The following SLC25A48 variants were observed in gnomAD, a reference collection of about 807,000 sequenced individuals.
SLC25A48 encodes the protein CTC-321K16.1.
Under a neutral mutation model 32.2 loss-of-function variants are expected in SLC25A48, and 29 were observed. That is an observed-to-expected ratio of 0.90 (90% CI 0.67 to 1.23). SLC25A48 has a LOEUF of 1.23. SLC25A48 is among the 50% of genes most tolerant of loss of function. The pLI, the probability that SLC25A48 is intolerant of heterozygous loss-of-function variation, is 0.00. For missense variants in SLC25A48, 399 were observed against 422.7 expected (o/e 0.94, Z 0.49); for synonymous variants, 164 against 172.3 (o/e 0.95, Z 0.38).
At position 135,759,514 on chromosome 5, in the gene SLC25A48, CCTT is replaced by C. The variant is rs142565776; in HGVS notation, c.-520-53004_-520-53002del. ...TACAATGTTCACGCAGTGAAATTCT[CCTT>C]CTTCAGCACATAGTTACTGAGTCCT... On this transcript the variant is annotated intron_variant, in intron 3 of 10. Transcript: ENST00000646290. Among the ~76,000 whole-genome samples, 77 of 152,274 alleles carry C rather than the reference CCTT, an allele frequency of 5.1e-4. 2 individuals carry two copies. In the East Asian group the frequency reaches 0.014, roughly 29 times the overall value.
rs766023744 is a variant in SLC25A48, at chr5:135,874,055, T to C, written c.714T>C (p.Asp238=). ...CTTGGGGGACAGCGACTCCTATGGA[T>C]GTCGTGAAAAGTCGACTCCAAGCTG... ...AISWGTATPM[D]VVKSRLQADG... The change falls in exon 6 of 8, where the codon GAT becomes GAC. Residue 238 remains aspartate (D), a synonymous_variant. Transcript: ENST00000681962. 1 of 1,532,476 alleles carries C rather than the reference T, an allele frequency of 6.5e-7. No individual in the cohort carries two copies. Among genetic ancestry groups the C allele is most frequent in the Non-Finnish European group, 8.7e-7 (1 of 1,145,676 alleles). 94.9% of individuals were successfully genotyped at this position (1,532,476 alleles called of 1,614,324 possible). A position where few individuals can be genotyped will look rare whatever the true frequency, so the allele number is the denominator to read the frequency against.
intron 3 of SLC25A48, among the ~76,000 whole-genome samples, chr5:135,751,115 C>T (rs1755761439): frequency 6.6e-6 from 1 of 152,178 alleles, no homozygotes; most frequent in Admixed American, 6.5e-5. Flanking sequence ...AACCACCCAG[C>T]CCGTGCACTG....
intron 3 of SLC25A48, among the ~76,000 whole-genome samples, chr5:135,775,587 T>A (rs1756534388): frequency 6.6e-6 from 1 of 151,226 alleles, no homozygotes; most frequent in Non-Finnish European, 1.5e-5. Context: ...GGGGGGGAAA[T>A]AATAGTAATC....
At position 135,802,904 on chromosome 5, in the gene SLC25A48, A is replaced by G. The variant is rs530069718; in HGVS notation, c.-520-9619A>G. On this transcript the variant is annotated intron_variant, in intron 3 of 10. Transcript: ENST00000646290. Reference sequence around the variant, plus strand: ...ATTTGTAATATTCTAGGGAGATATTACTCCTAATATCACAGTGAGTGTGCA... The same window carrying G: ...ATTTGTAATATTCTAGGGAGATATTGCTCCTAATATCACAGTGAGTGTGCA... 3 of 151,598 alleles carry G rather than the reference A, an allele frequency of 2.0e-5. 1 individual carries two copies. The South Asian group carries it at 6.2e-4, about 31-fold the overall frequency. The allele number at this position is 151,598 out of a possible 1,614,324, so 9.4% of individuals were successfully genotyped here. A position where few individuals can be genotyped will look rare whatever the true frequency, so the allele number is the denominator to read the frequency against.
chr5:135,692,190 C>A (rs1484979280), intron 3 of SLC25A48, among the ~76,000 whole-genome samples: 4 of 151,880 alleles, frequency 2.6e-5, no homozygotes, highest in African/African-American at 9.7e-5. Context: ...TGGTGGCATG[C>A]GCCTGTAGTC....
chr5:135,619,655 A>G (rs1752275176), intron 1 of SLC25A48, among the ~76,000 whole-genome samples: 1 of 152,118 alleles, frequency 6.6e-6, no homozygotes, highest in Non-Finnish European at 1.5e-5. Context: ...ATAGGGGACA[A>G]CTGTTTCCTG....
chr5:135,701,894 C>T (rs1754403845), intron 3 of SLC25A48, among the ~76,000 whole-genome samples: 1 of 152,214 alleles, frequency 6.6e-6, no homozygotes, highest in Non-Finnish European at 1.5e-5. Context: ...ATTAATCTGA[C>T]CATGTCACTC....
intron 4 of SLC25A48, among the ~76,000 whole-genome samples, chr5:135,858,534 A>T (rs12523450): frequency 6.6e-6 from 1 of 152,114 alleles, no homozygotes; most frequent in African/African-American, 2.4e-5. Context: ...CATATGTTTA[A>T]TCTTCACAAC....
chr5:135,625,996 T>C (rs114571938), intron 1 of SLC25A48, among the ~76,000 whole-genome samples: 2,682 of 152,274 alleles, frequency 0.018, 77 homozygotes, highest in African/African-American at 0.061. Context: ...TCTCCTGTGT[T>C]TGGGCACCCC....
chr5:135,713,989 C>T (rs1239981345), intron 3 of SLC25A48, among the ~76,000 whole-genome samples: 1 of 152,194 alleles, frequency 6.6e-6, no homozygotes, highest in East Asian at 1.9e-4. Flanking sequence ...GCCCCAAAGG[C>T]TGGAGCAGGA....
In SLC25A48 at chr5:135,709,426, C is replaced by T. The variant is rs149382754; in HGVS notation, c.-521+74470C>T. On this transcript the variant is annotated intron_variant, in intron 3 of 10. Coordinates refer to the SLC25A48 transcript ENST00000646290. ...TTCTTAACCCACGGGTCCTGGCTTGCAACCATTAGGGAGCAGAATCAGCCA... is the reference window on the plus strand; with the variant it reads ...TTCTTAACCCACGGGTCCTGGCTTGTAACCATTAGGGAGCAGAATCAGCCA... Among the ~76,000 whole-genome samples, 281 of 152,348 alleles carry T rather than the reference C, an allele frequency of 1.8e-3. 4 individuals are homozygous for T. Among genetic ancestry groups the T allele is most frequent in the Admixed American group, 0.015 (237 of 15,304 alleles).
At chr5:135,602,053 A>G (rs1488442524) in intron 1 of SLC25A48, among the ~76,000 whole-genome samples, 1 of 152,208 alleles carries the variant, frequency 6.6e-6, no homozygotes, top group Non-Finnish European at 1.5e-5. Context: ...CATGCTAGAC[A>G]TTTATCCAGA....
intron 2 of SLC25A48, among the ~76,000 whole-genome samples, chr5:135,847,027 C>T (rs7712397): frequency 0.05 from 7,686 of 152,216 alleles, 424 homozygotes; most frequent in African/African-American, 0.14. Flanking sequence ...CTAAGCAAGT[C>T]TTAAAATGGC....
At position 135,888,294 on chromosome 5, in the gene SLC25A48, G is replaced by A. The variant is rs117410718; in HGVS notation, c.*270G>A. On this transcript the variant is annotated 3_prime_UTR_variant, in exon 8 of 8. Transcript: ENST00000681962. The stretch of plus-strand genomic sequence containing the variant: ...AGCTTTCCAAGAAATGTTTGGTCCA[G>A]CTGAGAAGTCCTGACCATGAGCACC... 4.5e-5 allele frequency: 22 copies of A among 492,426 alleles called. No homozygotes were observed. In the East Asian group the frequency reaches 6.2e-4, roughly 14 times the overall value. The allele number at this position is 492,426 out of a possible 1,614,324, so 30.5% of individuals were successfully genotyped here.
chr5:135,812,571 G>A (rs1473532632), exon 4 of SLC25A48: 1 of 152,218 alleles, frequency 6.6e-6, no homozygotes, highest in African/African-American at 2.4e-5. Flanking sequence ...ACCTCCACCT[G>A]TGATGTCTTC....
chr5:135,659,102 A>G (rs801546), intron 3 of SLC25A48, among the ~76,000 whole-genome samples: 124,396 of 152,250 alleles, frequency 0.82, 50,945 homozygotes, highest in East Asian at 1. Context: ...AACATGGTCG[A>G]TCTGCAAATT....
chr5:135,834,932 G>T (rs771685101), intron 1 of SLC25A48, 39 bp downstream of exon 1: 3 of 1,583,404 alleles, frequency 1.9e-6, no homozygotes, highest in Non-Finnish European at 2.6e-6. Context: ...CAGAGAGAGC[G>T]AGCCTGGCGG....
At chr5:135,749,119 A>G (rs778905100) in intron 3 of SLC25A48, among the ~76,000 whole-genome samples, 8 of 151,810 alleles carry the variant, frequency 5.3e-5, no homozygotes, top group Non-Finnish European at 8.8e-5. Context: ...CAGTGACATC[A>G]CTTTAGATCT....
chr5:135,733,377 T>C (rs1478724907), intron 3 of SLC25A48, among the ~76,000 whole-genome samples: 1 of 152,020 alleles, frequency 6.6e-6, no homozygotes, highest in Non-Finnish European at 1.5e-5. Flanking sequence ...GGGTCAGGTG[T>C]GGTATCTGGA....
Sources: gnomAD v4.1 joint callset for allele counts (sites outside exome capture counted in the v4.1 genomes callset) on GRCh38, gnomAD v4.1.1 for gene constraint, MANE v1.5 for transcripts, NCBI Gene and HGNC (gene_info 2026-07-23, HGNC 2026-07-21) for gene names.